EIF2AK2: variants seen among roughly 807,000 people sequenced by gnomAD.
The protein encoded by EIF2AK2 is interferon-induced, double-stranded RNA-activated protein kinase.
Under a neutral mutation model 70.5 loss-of-function variants are expected in EIF2AK2, and 40 were observed. The ratio of observed to expected loss-of-function variants is 0.57; its 90% CI spans 0.44 to 0.74. The LOEUF (loss-of-function observed/expected upper bound fraction) is 0.74. Among genes scored for constraint, EIF2AK2 ranks in the 30% least tolerant of loss-of-function variants. The pLI is 0.00. For missense variants in EIF2AK2, 555 were observed against 644.3 expected, an observed-to-expected ratio of 0.86 and a Z score of 1.50; for synonymous variants, 198 against 220.9, an observed-to-expected ratio of 0.90 and a Z score of 0.92.
chr2:37,124,933 C>A (rs1246699883), intron 11 of EIF2AK2, among the ~76,000 whole-genome samples: 1 of 151,826 alleles, frequency 6.6e-6, no homozygotes, highest in African/African-American at 2.4e-5. Flanking sequence ...TGCCATGTTG[C>A]CCCAGGCTAG....
chr2:37,101,751 G>A lies in EIF2AK2; in HGVS notation c.*5522C>T, dbSNP rs1673832189. On this transcript the variant is annotated 3_prime_UTR_variant, in exon 17 of 17. Transcript: ENST00000233057. ...AGTAAAGGAGACACATCAACCAAAT[G>A]CAATGTTGGATCTAGATTTCAACAA... 6.6e-6 allele frequency: 1 copy of A among 152,130 alleles called. No individual in the cohort carries two copies. The highest frequency in any genetic ancestry group is 6.5e-5 in the Admixed American group (1 of 15,268). 9.4% of individuals were successfully genotyped at this position (152,130 alleles called of 1,614,324 possible).
At chr2:37,153,105 C>A (rs1675801995) in intron 1 of EIF2AK2, among the ~76,000 whole-genome samples, 1 of 149,584 alleles carries the variant, frequency 6.7e-6, no homozygotes, top group African/African-American at 2.5e-5. Context: ...AATTCCTTCT[C>A]TACCCTGCAA....
intron 3 of EIF2AK2, 64 bp downstream of exon 3, chr2:37,147,624 C>A: frequency 2.8e-6 from 3 of 1,078,362 alleles, no homozygotes; most frequent in Non-Finnish European, 4.2e-6. Context: ...TCATCCATGT[C>A]CCTACAAAGG....
intron 15 of EIF2AK2, 96 bp downstream of exon 15, chr2:37,109,098 C>T: frequency 9.7e-7 from 1 of 1,026,142 alleles, no homozygotes; most frequent in Non-Finnish European, 1.5e-6. Context: ...TGCTCAAGCC[C>T]ATCCTCACGT....
chr2:37,109,861 G>A (rs1386963512), intron 14 of EIF2AK2, among the ~76,000 whole-genome samples: 2 of 152,100 alleles, frequency 1.3e-5, no homozygotes, highest in South Asian at 2.1e-4. Flanking sequence ...GGTCAAAAAC[G>A]GGAAGAACTA....
chr2:37,144,921 C>G (rs1675474817), intron 4 of EIF2AK2, among the ~76,000 whole-genome samples: 1 of 152,036 alleles, frequency 6.6e-6, no homozygotes. Context: ...GGGTCTCACT[C>G]TGTCACCCAG....
In EIF2AK2 at chr2:37,149,042, G is replaced by A. The variant is rs1337686244; in HGVS notation, c.-183-19C>T. On this transcript the variant is annotated intron_variant, in intron 1 of 16. Coordinates refer to ENST00000233057, the MANE Select transcript of EIF2AK2 (RefSeq NM_001135651.3). The stretch of plus-strand genomic sequence containing the variant: ...CCAGAAACTGGTAAAAGAGAAAAAA[G>A]AAGGCTTAAAAAAATGCAACCGCTG... 1 of 986,710 alleles carries A rather than the reference G, an allele frequency of 1.0e-6. No homozygotes were observed. The highest frequency in any genetic ancestry group is 1.6e-5 in the African/African-American group (1 of 63,364). 61.1% of individuals were successfully genotyped at this position (986,710 alleles called of 1,614,324 possible).
intron 9 of EIF2AK2, 45 bp from the exon 10 acceptor site, chr2:37,135,591 C>A (rs763587099): frequency 3.3e-6 from 5 of 1,513,790 alleles, no homozygotes; most frequent in South Asian, 2.4e-5. Flanking sequence ...AAATTGAAAT[C>A]AAATATAACT....
intron 4 of EIF2AK2, among the ~76,000 whole-genome samples, chr2:37,146,488 T>C (rs1414689418): frequency 6.6e-6 from 1 of 152,206 alleles, no homozygotes; most frequent in African/African-American, 2.4e-5. Flanking sequence ...CTCCCTACAA[T>C]CACTTTCATC....
chr2:37,154,014 C>T (rs915569085), intron 1 of EIF2AK2, among the ~76,000 whole-genome samples: 2 of 152,194 alleles, frequency 1.3e-5, no homozygotes, highest in Non-Finnish European at 2.9e-5. Context: ...AATACAGCCA[C>T]ATCATGATCT....
chr2:37,115,190 G>A (rs551028542), intron 13 of EIF2AK2: 570 of 198,630 alleles, frequency 2.9e-3, no homozygotes, highest in Non-Finnish European at 4.6e-3. Context: ...TGGGACTACA[G>A]GCACCCGCCA....
intron 15 of EIF2AK2, 104 bp from the exon 16 acceptor site, chr2:37,107,631 T>C (rs1276284521): frequency 7.4e-7 from 1 of 1,356,462 alleles, no homozygotes; most frequent in Non-Finnish European, 1.0e-6. Context: ...TTTCCAGATT[T>C]TTTGGGAAAG....
chr2:37,155,022 C>T (rs1675876421), intron 1 of EIF2AK2, among the ~76,000 whole-genome samples: 1 of 151,854 alleles, frequency 6.6e-6, no homozygotes, highest in East Asian at 1.9e-4. Flanking sequence ...CTTAGACTTG[C>T]TCTTTTCTAC....
Position 37,107,389 on chromosome 2 carries a change from G to T in EIF2AK2, c.1540C>A (p.Leu514Ile). 1 of 1,613,570 alleles carries T rather than the reference G, an allele frequency of 6.2e-7. No individual in the cohort carries two copies. The highest frequency in any genetic ancestry group is 1.7e-5 in the Admixed American group (1 of 59,914). ...SDIFDKKEKT[L>I]LQKLLSKKPE... ...TTCTTTGAGAGTAATTTCTGTAGAA[G>T]AGTTTTCTGCAATGACAGTGAGAGT... is the stretch of plus-strand genomic sequence containing the variant. Residue 514 changes from leucine (L) to isoleucine (I), a missense_variant, in exon 17 of 17, where the codon CTT (leucine) becomes ATT (isoleucine). Coordinates refer to ENST00000233057, the MANE Select transcript of EIF2AK2 (RefSeq NM_001135651.3).
intron 10 of EIF2AK2, among the ~76,000 whole-genome samples, chr2:37,129,221 CAA>C (rs1460081787): frequency 1.3e-5 from 2 of 151,888 alleles, no homozygotes; most frequent in Admixed American, 1.3e-4. Context: ...CTCTGCTGTC[CAA>C]AAGTCAGTTA....
chr2:37,109,576 C>T lies in EIF2AK2; in HGVS notation c.1378-281G>A, dbSNP rs564181300. On this transcript the variant is annotated intron_variant, in intron 14 of 16. Transcript: ENST00000233057. ...GTTTGATTGTGAGAGTGAGATGCAG[C>T]AGGTAAAGCAGTTAAAATAGCACCC... 15 of 328,702 alleles carry T rather than the reference C, an allele frequency of 4.6e-5. No individual in the cohort carries two copies. The East Asian group carries it at 7.1e-4, about 16-fold the overall frequency. The allele number at this position is 328,702 out of a possible 1,614,324, so 20.4% of individuals were successfully genotyped here. A position where few individuals can be genotyped will look rare whatever the true frequency, so the allele number is the denominator to read the frequency against.
chr2:37,099,527 T>A lies in EIF2AK2; in HGVS notation c.*7746A>T, dbSNP rs1047604070. ...ACAATGGGAGTACTAGGGAGAAGAT[T>A]CATTTTGAGTGGGAGATGTTGGAAC... On this transcript the variant is annotated 3_prime_UTR_variant, in exon 17 of 17. Coordinates refer to ENST00000233057, the MANE Select transcript of EIF2AK2 (RefSeq NM_001135651.3). The A allele has an allele frequency of 1.3e-5, 2 of 152,200 alleles. No homozygotes were observed. The highest frequency in any genetic ancestry group is 4.8e-5 in the African/African-American group (2 of 41,448). 9.4% of individuals were successfully genotyped at this position (152,200 alleles called of 1,614,324 possible).
chr2:37,102,328 T>C lies in EIF2AK2; in HGVS notation c.*4945A>G, dbSNP rs1272318335. On this transcript the variant is annotated 3_prime_UTR_variant, in exon 17 of 17. Transcript: ENST00000233057. ...TGTATTAAGAACGGTAAAGTATTGA[T>C]ATTTGTTGCAGCTGGGTGATGGGTA... 6.6e-6 allele frequency: 1 copy of C among 152,176 alleles called. No individual in the cohort carries two copies. The highest frequency in any genetic ancestry group is 6.5e-5 in the Admixed American group (1 of 15,276). 9.4% of individuals were successfully genotyped at this position (152,176 alleles called of 1,614,324 possible). A position where few individuals can be genotyped will look rare whatever the true frequency, so the allele number is the denominator to read the frequency against.
chr2:37,121,692 A>G (rs1462050989), intron 12 of EIF2AK2, among the ~76,000 whole-genome samples: 1 of 129,016 alleles, frequency 7.8e-6, no homozygotes, highest in African/African-American at 3.0e-5. Context: ...ATTCATTTAT[A>G]TTCTTTGTAT....
Sources: gnomAD v4.1 joint callset for allele counts (sites outside exome capture counted in the v4.1 genomes callset) on GRCh38, gnomAD v4.1.1 for gene constraint, MANE v1.5 for transcripts, NCBI Gene and HGNC (gene_info 2026-07-23, HGNC 2026-07-21) for gene names.